MAF: variants seen among roughly 807,000 people sequenced by gnomAD.
MAF encodes the protein MAF bZIP transcription factor, also known as transcription factor Maf.
Under a neutral mutation model 22.0 loss-of-function variants are expected in MAF, and 10 were observed. The observed-to-expected ratio is 0.45, with a 90% confidence interval of 0.28 to 0.77. MAF has a LOEUF of 0.77. MAF is among the 30% of genes least tolerant of loss of function. The pLI is 0.12. For missense variants in MAF, 544 were observed against 548.4 expected (o/e 0.99, Z 0.08); for synonymous variants, 337 against 255.8 (o/e 1.32, Z -3.03).
At chr16:79,489,201 C>G in the MAF span, among the ~76,000 whole-genome samples, 1 of 152,144 alleles carries the variant, frequency 6.6e-6, no homozygotes, top group Non-Finnish European at 1.5e-5. Flanking sequence ...ATCCATCCAT[C>G]TATTCCTCTA....
the MAF span, among the ~76,000 whole-genome samples, chr16:79,279,329 A>C: frequency 1.8e-4 from 27 of 152,192 alleles, 1 homozygote; most frequent in African/African-American, 5.1e-4. Context: ...AATGACAGCA[A>C]TACCAGCCTA....
the MAF span, among the ~76,000 whole-genome samples, chr16:79,246,205 A>C: frequency 1.3e-5 from 2 of 152,168 alleles, no homozygotes; most frequent in Non-Finnish European, 2.9e-5. Context: ...TTAAAGTATA[A>C]TAAAAGAAAA....
chr16:79,335,238 A>G, the MAF span, among the ~76,000 whole-genome samples: 2 of 151,932 alleles, frequency 1.3e-5, no homozygotes, highest in Non-Finnish European at 2.9e-5. Flanking sequence ...ATAGAAATCA[A>G]TCATATTTTG....
chr16:79,419,943 C>G, the MAF span, among the ~76,000 whole-genome samples: 1 of 152,002 alleles, frequency 6.6e-6, no homozygotes, highest in Non-Finnish European at 1.5e-5. Flanking sequence ...CTCACACTTT[C>G]CATGGAGAGT....
At chr16:79,421,890 G>C in the MAF span, among the ~76,000 whole-genome samples, 2 of 152,114 alleles carry the variant, frequency 1.3e-5, no homozygotes, top group Non-Finnish European at 1.5e-5. Context: ...CCATTCTCCT[G>C]CCTCACCCTC....
At chr16:79,337,335 G>C in the MAF span, among the ~76,000 whole-genome samples, 2 of 152,104 alleles carry the variant, frequency 1.3e-5, no homozygotes, top group Non-Finnish European at 2.9e-5. Flanking sequence ...ACTTTGCGAG[G>C]CCGAGGCAGG....
At chr16:79,585,910 A>G in exon 2 of MAF, 1 of 685,272 alleles carries the variant, frequency 1.5e-6, no homozygotes, top group South Asian at 1.6e-5. Flanking sequence ...GGATTTTTTC[A>G]CATCACTGAT....
chr16:79,291,716 A>G, the MAF span, among the ~76,000 whole-genome samples: 1 of 150,104 alleles, frequency 6.7e-6, no homozygotes. Context: ...GGCGCTAAAA[A>G]CTTTAGATAT....
the MAF span, among the ~76,000 whole-genome samples, chr16:79,256,399 T>C: frequency 3.3e-5 from 5 of 152,018 alleles, no homozygotes; most frequent in Admixed American, 2.0e-4. Context: ...ATTTTACAGG[T>C]AAGGAGAATG....
chr16:79,462,956 A>C, the MAF span, among the ~76,000 whole-genome samples: 2 of 152,170 alleles, frequency 1.3e-5, no homozygotes, highest in African/African-American at 4.8e-5. Flanking sequence ...AGGATAGGGG[A>C]TTAGAGGGTG....
At chr16:79,558,092 C>T in the MAF span, among the ~76,000 whole-genome samples, 2 of 152,120 alleles carry the variant, frequency 1.3e-5, no homozygotes, top group East Asian at 1.9e-4. Flanking sequence ...ATTGAGCAAA[C>T]CAACAGGAGA....
chr16:79,520,473 C>G, the MAF span, among the ~76,000 whole-genome samples: 1,074 of 152,124 alleles, frequency 7.1e-3, 11 homozygotes, highest in African/African-American at 0.025. Flanking sequence ...CTCTATCTCT[C>G]TGTGTGTGTG....
chr16:79,216,344 GTAT>G, the MAF span, among the ~76,000 whole-genome samples: 16 of 152,308 alleles, frequency 1.1e-4, no homozygotes, highest in African/African-American at 3.6e-4. Flanking sequence ...GCACATATAT[GTAT>G]TGCATATATA....
At chr16:79,358,540 G>A in the MAF span, among the ~76,000 whole-genome samples, 5 of 152,212 alleles carry the variant, frequency 3.3e-5, no homozygotes, top group Admixed American at 6.5e-5. Flanking sequence ...AGATAGAGGA[G>A]CGTGGATGGG....
At chr16:79,540,348 C>A in the MAF span, among the ~76,000 whole-genome samples, 1 of 152,120 alleles carries the variant, frequency 6.6e-6, no homozygotes, top group East Asian at 1.9e-4. Flanking sequence ...GAAGTCCCTG[C>A]GCTCTGGTGT....
At chr16:79,433,021 T>C in the MAF span, among the ~76,000 whole-genome samples, 2 of 152,280 alleles carry the variant, frequency 1.3e-5, no homozygotes, top group African/African-American at 2.4e-5. Flanking sequence ...CCAGGTAAGA[T>C]AGTTCTTCCT....
chr16:79,531,816 A>G, the MAF span, among the ~76,000 whole-genome samples: 12 of 152,092 alleles, frequency 7.9e-5, no homozygotes, highest in Admixed American at 5.9e-4. Context: ...ACAGACTGGT[A>G]CTGGTCTGTG....
chr16:79,477,347 G>C, the MAF span, among the ~76,000 whole-genome samples: 1 of 152,294 alleles, frequency 6.6e-6, no homozygotes, highest in Admixed American at 6.5e-5. Context: ...AATTGAAGTG[G>C]CTGTTCAGTC....
At chr16:79,496,827 G>T in the MAF span, among the ~76,000 whole-genome samples, 2 of 152,138 alleles carry the variant, frequency 1.3e-5, no homozygotes, top group Non-Finnish European at 2.9e-5. Flanking sequence ...CTATAACAAA[G>T]TAGGTTTTGA....
Sources: gnomAD v4.1 joint callset for allele counts (sites outside exome capture counted in the v4.1 genomes callset) on GRCh38, gnomAD v4.1.1 for gene constraint, MANE v1.5 for transcripts, NCBI Gene and HGNC (gene_info 2026-07-23, HGNC 2026-07-21) for gene names.